Variants in SPAG16 observed in about 807,000 individuals in gnomAD.
The protein encoded by SPAG16 is sperm associated antigen 16.
Under a neutral mutation model 80.4 loss-of-function variants are expected in SPAG16, and 86 were observed. The ratio of observed to expected loss-of-function variants is 1.07; its 90% CI spans 0.90 to 1.28. The LOEUF (loss-of-function observed/expected upper bound fraction) is 1.28, where lower values mean the gene tolerates loss of function less well. Among genes scored for constraint, SPAG16 ranks in the 50% most tolerant of loss-of-function variants. The probability of loss-of-function intolerance (pLI) is 0.00; values close to 1 mark genes in which losing one functional copy is unlikely to be tolerated. For synonymous variants in SPAG16, 294 were observed against 265.9 expected (o/e 1.11, Z -1.03); for missense variants, 870 against 765.3 (o/e 1.14, Z -1.61).
At chr2:213,481,705 A>G (rs2073759721) in intron 9 of SPAG16, among the ~76,000 whole-genome samples, 1 of 152,226 alleles carries the variant, frequency 6.6e-6, no homozygotes, top group African/African-American at 2.4e-5. Flanking sequence ...AGTAGGAACT[A>G]TGCCAGCTGG....
chr2:214,354,324 T>C (rs1264566651), intron 15 of SPAG16, among the ~76,000 whole-genome samples: 1 of 152,154 alleles, frequency 6.6e-6, no homozygotes, highest in Admixed American at 6.5e-5. Context: ...TGCAGCATTA[T>C]TTCTGAGGGC....
At chr2:214,083,409 C>T (rs2051514045) in intron 13 of SPAG16, among the ~76,000 whole-genome samples, 1 of 152,030 alleles carries the variant, frequency 6.6e-6, no homozygotes, top group South Asian at 2.1e-4. Flanking sequence ...TTTTTCAACT[C>T]TGCCAATGGC....
At chr2:213,359,968 C>T (rs1413908774) in intron 7 of SPAG16, among the ~76,000 whole-genome samples, 3 of 151,768 alleles carry the variant, frequency 2.0e-5, no homozygotes, top group Non-Finnish European at 4.4e-5. Context: ...ACAGTTAGTC[C>T]CACTCTTAAG....
intron 10 of SPAG16, among the ~76,000 whole-genome samples, chr2:213,740,836 C>T (rs1181330382): frequency 2.0e-5 from 3 of 152,168 alleles, no homozygotes; most frequent in Admixed American, 1.3e-4. Flanking sequence ...TTACTTGGAA[C>T]CCATTTCACT....
At chr2:214,386,785 G>C (rs995839650) in intron 15 of SPAG16, among the ~76,000 whole-genome samples, 9 of 150,456 alleles carry the variant, frequency 6.0e-5, no homozygotes, top group African/African-American at 2.2e-4. Flanking sequence ...GATCACTTGA[G>C]CCCAGGAGGC....
chr2:213,874,404 T>TG (rs2076063890), intron 11 of SPAG16, among the ~76,000 whole-genome samples: 1 of 152,172 alleles, frequency 6.6e-6, no homozygotes, highest in South Asian at 2.1e-4. Flanking sequence ...AATTTTTCTC[T>TG]ATTTTTTATT....
chr2:213,592,339 T>C (rs1289976478), intron 10 of SPAG16, among the ~76,000 whole-genome samples: 1 of 152,228 alleles, frequency 6.6e-6, no homozygotes, highest in Non-Finnish European at 1.5e-5. Flanking sequence ...GTGTTTATTA[T>C]ATCTGTCTTG....
intron 10 of SPAG16, among the ~76,000 whole-genome samples, chr2:213,673,298 T>C (rs2063895779): frequency 6.6e-6 from 1 of 152,192 alleles, no homozygotes; most frequent in Admixed American, 6.5e-5. Context: ...AAATGGTTTA[T>C]AAAAAGTCAC....
intron 12 of SPAG16, among the ~76,000 whole-genome samples, chr2:213,977,293 G>A (rs933446226): frequency 2.0e-5 from 3 of 151,948 alleles, no homozygotes; most frequent in Admixed American, 6.6e-5. Context: ...ATCAGCTTGA[G>A]GTTCATATGC....
intron 12 of SPAG16, among the ~76,000 whole-genome samples, chr2:213,973,876 T>C (rs1008198511): frequency 6.6e-6 from 1 of 152,054 alleles, no homozygotes; most frequent in African/African-American, 2.4e-5. Flanking sequence ...AGACTTGCAT[T>C]ACACAAAGTA....
At chr2:213,297,142 A>G in intron 2 of SPAG16, 120 bp from the exon 3 acceptor site, 1 of 1,472,352 alleles carries the variant, frequency 6.8e-7, no homozygotes, top group Non-Finnish European at 9.1e-7. Flanking sequence ...ATGACATGGT[A>G]TTTTACATAA....
At chr2:214,126,059 CTT>C (rs770163812) in intron 14 of SPAG16, among the ~76,000 whole-genome samples, 2 of 11,378 alleles carry the variant, frequency 1.8e-4, no homozygotes, top group African/African-American at 4.4e-4. Flanking sequence ...TCCTTCCTTC[CTT>C]TTTTTTTTTT....
chr2:214,000,105 C>T (rs2046721697), intron 12 of SPAG16, among the ~76,000 whole-genome samples: 1 of 152,126 alleles, frequency 6.6e-6, no homozygotes, highest in Non-Finnish European at 1.5e-5. Flanking sequence ...AATGTGAGGA[C>T]ATGAGATTTG....
At chr2:214,328,933 T>G (rs950594518) in intron 15 of SPAG16, among the ~76,000 whole-genome samples, 1 of 152,100 alleles carries the variant, frequency 6.6e-6, no homozygotes, top group Non-Finnish European at 1.5e-5. Context: ...AAGCTTGGAG[T>G]GACTGTTCAG....
intron 15 of SPAG16, among the ~76,000 whole-genome samples, chr2:214,224,838 CAG>C (rs1404832150): frequency 6.6e-6 from 1 of 152,066 alleles, no homozygotes; most frequent in Non-Finnish European, 1.5e-5. Context: ...AGCCAAGAAA[CAG>C]AGTAGAACTG....
At chr2:213,656,359 A>T (rs1036098351) in intron 10 of SPAG16, among the ~76,000 whole-genome samples, 4 of 152,104 alleles carry the variant, frequency 2.6e-5, no homozygotes, top group African/African-American at 7.2e-5. Context: ...TTTAGTGGAG[A>T]CGGGGTTTCA....
Position 214,356,152 on chromosome 2 carries a change from C to A in SPAG16, c.1721-53988C>A, listed in dbSNP as rs576418981. Among the ~76,000 whole-genome samples the A allele has an allele frequency of 2.0e-5, 3 of 150,980 alleles. No individual in the cohort carries two copies. The South Asian group carries it at 6.3e-4, about 32-fold the overall frequency. On this transcript the variant is annotated intron_variant, in intron 15 of 15. Transcript: ENST00000331683. Reference sequence around the variant, plus strand: ...CATGTATACATATGTAACTAACCTGCACATTGTGCACATGTAACCTAAAAC... The same window carrying A: ...CATGTATACATATGTAACTAACCTGAACATTGTGCACATGTAACCTAAAAC...
chr2:213,534,802 T>A (rs1020844319), intron 10 of SPAG16, among the ~76,000 whole-genome samples: 2 of 152,098 alleles, frequency 1.3e-5, no homozygotes, highest in Admixed American at 1.3e-4. Context: ...TGGGGCTGAA[T>A]TTTGTTCCCC....
At chr2:213,612,456 G>C (rs1164421704) in intron 10 of SPAG16, among the ~76,000 whole-genome samples, 3 of 151,912 alleles carry the variant, frequency 2.0e-5, no homozygotes, top group Non-Finnish European at 4.4e-5. Flanking sequence ...TGCCTACTTT[G>C]TGTCATCACT....
Sources: gnomAD v4.1 joint callset for allele counts (sites outside exome capture counted in the v4.1 genomes callset) on GRCh38, gnomAD v4.1.1 for gene constraint, MANE v1.5 for transcripts, NCBI Gene and HGNC (gene_info 2026-07-23, HGNC 2026-07-21) for gene names.